Variants in RIMKLB observed in about 807,000 individuals in gnomAD.
RIMKLB encodes ribosomal modification protein rimK like family member B.
RIMKLB carries 7 observed loss-of-function variants against 32.0 expected under a neutral mutation model. That is an observed-to-expected ratio of 0.22 (90% confidence interval 0.12 to 0.41). RIMKLB has a LOEUF of 0.41. Ranked by LOEUF, RIMKLB falls within the 10% of genes least tolerant of loss-of-function variation. RIMKLB has a pLI of 1.00. For missense variants in RIMKLB, 289 were observed against 498.7 expected, an observed-to-expected ratio of 0.58 and a Z score of 4.00; for synonymous variants, 172 against 185.1, an observed-to-expected ratio of 0.93 and a Z score of 0.57.
upstream of RIMKLB, among the ~76,000 whole-genome samples, chr12:8,678,515 A>T (rs1942358259): frequency 6.6e-6 from 1 of 151,598 alleles, no homozygotes; most frequent in South Asian, 2.1e-4. Context: ...TTTAATAGAG[A>T]CGGGGTTTCT....
intron 5 of RIMKLB, among the ~76,000 whole-genome samples, chr12:8,772,201 A>G (rs1950464474): frequency 6.6e-6 from 1 of 152,098 alleles, no homozygotes. Context: ...TTTTATCTTT[A>G]TGATTTCACC....
intron 1 of RIMKLB, among the ~76,000 whole-genome samples, chr12:8,711,352 T>C (rs116680619): frequency 3.3e-5 from 5 of 151,966 alleles, no homozygotes; most frequent in Non-Finnish European, 7.4e-5. Context: ...TGGGCTATGA[T>C]TGCACCACTG....
At chr12:8,739,777 G>A (rs1947330735) in intron 2 of RIMKLB, among the ~76,000 whole-genome samples, 1 of 151,968 alleles carries the variant, frequency 6.6e-6, no homozygotes, top group African/African-American at 2.4e-5. Flanking sequence ...TTGGCTTCTT[G>A]TCTCTTCTTA....
upstream of RIMKLB, among the ~76,000 whole-genome samples, chr12:8,692,844 G>C (rs909016894): frequency 6.6e-6 from 1 of 152,182 alleles, no homozygotes; most frequent in Non-Finnish European, 1.5e-5. Flanking sequence ...AGTGGGGAGA[G>C]CTAGATTTAC....
At chr12:8,732,200 A>G (rs1476510907) in intron 2 of RIMKLB, among the ~76,000 whole-genome samples, 1 of 152,030 alleles carries the variant, frequency 6.6e-6, no homozygotes, top group Non-Finnish European at 1.5e-5. Flanking sequence ...AGGTCTGTAT[A>G]ATGTGAGGCT....
rs929540315 is a variant in RIMKLB at position 8,765,774 on chromosome 12, C to T, written c.698-7547C>T. On this transcript the variant is annotated intron_variant, in intron 5 of 5. Coordinates refer to ENST00000535829, the MANE Select transcript of RIMKLB (RefSeq NM_001297776.2). ...AGTTGGGGAAGAAGCTGGGGGGACA[C>T]CGGGATAGGGAGGTAGACTCTGAGG... is the stretch of plus-strand genomic sequence containing the variant. Among the ~76,000 whole-genome samples the T allele has an allele frequency of 3.3e-5, 5 of 151,966 alleles. No homozygotes were observed. In the South Asian group the frequency reaches 6.3e-4, roughly 19 times the overall value.
At position 8,777,156 on chromosome 12, in the gene RIMKLB, TA is replaced by T. The variant is rs1360142165; in HGVS notation, c.*3378del. 1 of 982,086 alleles carries T rather than the reference TA, an allele frequency of 1.0e-6. No individual in the cohort carries two copies. The highest frequency in any genetic ancestry group is 1.2e-6 in the Non-Finnish European group (1 of 828,058). The allele number at this position is 982,086 out of a possible 1,614,324, so 60.8% of individuals were successfully genotyped here. Reference sequence around the variant, plus strand: ...ATTTGTTTTTGTTGTACTAGGATTTTAAAAAATGTAATATATTGCAGGATTT... The same window carrying T: ...ATTTGTTTTTGTTGTACTAGGATTTTAAAAATGTAATATATTGCAGGATTT... On this transcript the variant is annotated 3_prime_UTR_variant, in exon 6 of 6. Transcript: ENST00000535829.
At chr12:8,722,878 C>T (rs1034961644) in intron 2 of RIMKLB, among the ~76,000 whole-genome samples, 1 of 152,232 alleles carries the variant, frequency 6.6e-6, no homozygotes, top group South Asian at 2.1e-4. Flanking sequence ...CTTTCCTTCA[C>T]CTCCGTCAGC....
At chr12:8,752,176 AGTT>A in intron 4 of RIMKLB, 133 bp downstream of exon 4, 1 of 604,872 alleles carries the variant, frequency 1.7e-6, no homozygotes, top group Non-Finnish European at 2.9e-6. Context: ...GGCTACTATG[AGTT>A]GTTCAGTTTG....
intron 1 of RIMKLB, among the ~76,000 whole-genome samples, chr12:8,703,124 A>G (rs1011479101): frequency 6.6e-6 from 1 of 152,044 alleles, no homozygotes; most frequent in Non-Finnish European, 1.5e-5. Flanking sequence ...CATGTCTACT[A>G]AAAATACAAA....
chr12:8,673,183 C>T, the RIMKLB span, among the ~76,000 whole-genome samples: 2 of 151,818 alleles, frequency 1.3e-5, no homozygotes, highest in African/African-American at 4.8e-5. Context: ...TGCCTGGCCT[C>T]TGACCGGGTA....
chr12:8,756,765 C>T (rs1949073571), intron 5 of RIMKLB, among the ~76,000 whole-genome samples: 1 of 143,444 alleles, frequency 7.0e-6, no homozygotes, highest in Admixed American at 7.2e-5. Flanking sequence ...GATCTCAGCT[C>T]ACTGCAACCT....
intron 5 of RIMKLB, among the ~76,000 whole-genome samples, chr12:8,763,119 A>G (rs2098245): frequency 0.04 from 6,061 of 152,280 alleles, 350 homozygotes; most frequent in African/African-American, 0.13. Context: ...TCTTCCCTGT[A>G]TTATTTTAAC....
chr12:8,695,821 G>A (rs755158744), upstream of RIMKLB, among the ~76,000 whole-genome samples: 69 of 151,854 alleles, frequency 4.5e-4, no homozygotes, highest in African/African-American at 1.6e-3. Context: ...AGCCTCCTGA[G>A]TAGCTGGGAT....
chr12:8,771,706 T>C (rs1186557307), intron 5 of RIMKLB, among the ~76,000 whole-genome samples: 1 of 152,122 alleles, frequency 6.6e-6, no homozygotes, highest in Non-Finnish European at 1.5e-5. Flanking sequence ...TGGGATTTTG[T>C]AGATATATTT....
At chr12:8,756,684 C>CTTTTTTTTTTTTTTTTT (rs145312687) in intron 5 of RIMKLB, among the ~76,000 whole-genome samples, 2 of 90,980 alleles carry the variant, frequency 2.2e-5, no homozygotes, top group Non-Finnish European at 4.0e-5. Context: ...TTACTTTCTA[C>CTTTTTTTTTTTTTTTTT]TTTTTTTTTT....
rs576936354 is a variant in RIMKLB, at chr12:8,726,658, CTT to C, written c.175+12626_175+12627del. Among the ~76,000 whole-genome samples the C allele has an allele frequency of 6.2e-5, 9 of 144,080 alleles. 1 individual carries two copies. Among genetic ancestry groups the C allele is most frequent in the African/African-American group, 2.3e-4 (9 of 39,448 alleles). The allele number at this position is 144,080 out of a possible 152,430, so 94.5% of individuals were successfully genotyped here. A position where few individuals can be genotyped will look rare whatever the true frequency, so the allele number is the denominator to read the frequency against. On this transcript the variant is annotated intron_variant, in intron 2 of 5. Transcript: ENST00000535829. ...CACAAGTTTACTGGGCCATTTTATT[CTT>C]TTTTTTTTCATTTTATTTACTGTTA...
At chr12:8,703,988 A>G (rs765120734) in intron 1 of RIMKLB, among the ~76,000 whole-genome samples, 2 of 152,332 alleles carry the variant, frequency 1.3e-5, no homozygotes, top group South Asian at 4.1e-4. Flanking sequence ...TCTTGGGTCT[A>G]CTATTGTGAT....
chr12:8,744,638 T>C (rs1458801558), intron 2 of RIMKLB, among the ~76,000 whole-genome samples: 1 of 151,668 alleles, frequency 6.6e-6, no homozygotes, highest in Non-Finnish European at 1.5e-5. Flanking sequence ...ATTTAATAAT[T>C]ATAGATTTTG....
Sources: gnomAD v4.1 joint callset for allele counts (sites outside exome capture counted in the v4.1 genomes callset) on GRCh38, gnomAD v4.1.1 for gene constraint, MANE v1.5 for transcripts, NCBI Gene and HGNC (gene_info 2026-07-23, HGNC 2026-07-21) for gene names.